Variants in EPHA6 observed in about 807,000 individuals in gnomAD.
The protein encoded by EPHA6 is EPH receptor A6, also known as ephrin type-A receptor 6.
EPHA6 carries 50 observed loss-of-function variants against 112.0 expected under a neutral mutation model. The ratio of observed to expected loss-of-function variants is 0.45; its 90% CI spans 0.36 to 0.56. The LOEUF is 0.56. EPHA6 is among the 20% of genes least tolerant of loss of function. The probability of loss-of-function intolerance (pLI) is 0.00; values close to 1 mark genes in which losing one functional copy is unlikely to be tolerated. For missense variants in EPHA6, 1,280 were observed against 1,417.4 expected (o/e 0.90, Z 1.56); for synonymous variants, 529 against 490.7 (o/e 1.08, Z -1.03).
At position 97,565,702 on chromosome 3, in the gene EPHA6, T is replaced by C. The variant is rs544544662; in HGVS notation, c.2387-26910T>C. Among the ~76,000 whole-genome samples, 15 of 152,180 alleles carry C rather than the reference T, an allele frequency of 9.9e-5. No individual in the cohort carries two copies. In the East Asian group the frequency reaches 2.3e-3, roughly 24 times the overall value. On this transcript the variant is annotated intron_variant, in intron 11 of 17. Coordinates refer to ENST00000389672, the MANE Select transcript of EPHA6 (RefSeq NM_001080448.3). ...CTTTTTGCATTATTATAAAGGAATA[T>C]CTGAGACAGGTAATTGATAAAGAAA...
intron 15 of EPHA6, among the ~76,000 whole-genome samples, chr3:97,732,687 G>A (rs1326585068): frequency 6.6e-6 from 1 of 152,002 alleles, no homozygotes; most frequent in Non-Finnish European, 1.5e-5. Flanking sequence ...ATGATTATTT[G>A]TCTGTAAAAT....
At chr3:96,972,650 G>C (rs890920211) in intron 2 of EPHA6, among the ~76,000 whole-genome samples, 1 of 152,064 alleles carries the variant, frequency 6.6e-6, no homozygotes, top group Non-Finnish European at 1.5e-5. Context: ...TCTAGGGTGT[G>C]ACTTCCCTCT....
At chr3:97,086,729 T>G (rs2046913109) in intron 3 of EPHA6, among the ~76,000 whole-genome samples, 1 of 152,114 alleles carries the variant, frequency 6.6e-6, no homozygotes, top group Non-Finnish European at 1.5e-5. Flanking sequence ...TAACATTTAT[T>G]GAATAAATTT....
At chr3:97,049,953 A>T (rs181216185) in intron 3 of EPHA6, among the ~76,000 whole-genome samples, 5 of 152,352 alleles carry the variant, frequency 3.3e-5, no homozygotes, top group Admixed American at 6.5e-5. Flanking sequence ...AGAGAGAAAC[A>T]TCCAAACTAT....
intron 10 of EPHA6, among the ~76,000 whole-genome samples, chr3:97,486,864 T>C (rs776667004): frequency 6.6e-6 from 1 of 152,246 alleles, no homozygotes; most frequent in Non-Finnish European, 1.5e-5. Context: ...TCGTGTAACA[T>C]CTGTGTACCA....
rs1384327116 is a variant in EPHA6, at chr3:97,058,862, A to G, written c.1114+70869A>G. ...GTCAGTAAGATTGTTTTTATATTTT[A>G]TATGCAAAGTGATTTATCAAAAACA... On this transcript the variant is annotated intron_variant, in intron 3 of 17. Transcript: ENST00000389672. Among the ~76,000 whole-genome samples, 3 of 152,150 alleles carry G rather than the reference A, an allele frequency of 2.0e-5. No individual in the cohort carries two copies. The East Asian group carries it at 5.8e-4, about 29-fold the overall frequency.
At chr3:97,188,709 A>G (rs764762580) in intron 3 of EPHA6, among the ~76,000 whole-genome samples, 32 of 152,130 alleles carry the variant, frequency 2.1e-4, no homozygotes, top group Middle Eastern at 3.4e-3. Flanking sequence ...AATCTACATT[A>G]TGCAAATAAA....
At chr3:96,935,199 A>G (rs1224737655) in intron 2 of EPHA6, among the ~76,000 whole-genome samples, 1 of 151,878 alleles carries the variant, frequency 6.6e-6, no homozygotes, top group African/African-American at 2.4e-5. Flanking sequence ...TTAGAAATAA[A>G]CTATAACTAA....
chr3:97,214,938 G>T lies in EPHA6; in HGVS notation c.1115-11326G>T, dbSNP rs192126790. The stretch of plus-strand genomic sequence containing the variant: ...ACAGCAGCATCTAGAAAACATAAAT[G>T]ATACTGTTTTTGCCAGTTTCTTAAA... On this transcript the variant is annotated intron_variant, in intron 3 of 17. Coordinates refer to ENST00000389672, the MANE Select transcript of EPHA6 (RefSeq NM_001080448.3). Among the ~76,000 whole-genome samples, 899 of 152,230 alleles carry T rather than the reference G, an allele frequency of 5.9e-3. 7 individuals carry two copies. Among genetic ancestry groups the T allele is most frequent in the African/African-American group, 0.021 (861 of 41,538 alleles).
chr3:97,545,074 C>T (rs1342652456), intron 11 of EPHA6, among the ~76,000 whole-genome samples: 5 of 152,094 alleles, frequency 3.3e-5, no homozygotes, highest in African/African-American at 4.8e-5. Context: ...TTCAGTTCTG[C>T]TCTGATCTTA....
At chr3:96,968,460 A>AT (rs2042205223) in intron 2 of EPHA6, among the ~76,000 whole-genome samples, 1 of 151,662 alleles carries the variant, frequency 6.6e-6, no homozygotes, top group African/African-American at 2.4e-5. Context: ...TTTCATAAAT[A>AT]TTTTTTGATA....
chr3:97,340,942 G>T (rs1453506473), intron 5 of EPHA6, among the ~76,000 whole-genome samples: 1 of 152,144 alleles, frequency 6.6e-6, no homozygotes, highest in Non-Finnish European at 1.5e-5. Flanking sequence ...GGGGCTGGGG[G>T]CACAACTCAA....
intron 4 of EPHA6, among the ~76,000 whole-genome samples, chr3:97,236,311 T>G (rs373595072): frequency 5.3e-5 from 8 of 151,466 alleles, no homozygotes; most frequent in South Asian, 2.1e-4. Context: ...AAACACAAAG[T>G]AGGAGAAGAT....
At chr3:97,192,553 A>G (rs922468426) in intron 3 of EPHA6, among the ~76,000 whole-genome samples, 3 of 152,090 alleles carry the variant, frequency 2.0e-5, no homozygotes, top group Admixed American at 1.3e-4. Context: ...TGGTTTGCGT[A>G]TATTTTCTTC....
At chr3:96,911,801 G>A (rs1576009560) in intron 2 of EPHA6, among the ~76,000 whole-genome samples, 1 of 152,072 alleles carries the variant, frequency 6.6e-6, no homozygotes, top group Non-Finnish European at 1.5e-5. Context: ...GTTAAAGATA[G>A]TACATTTTTA....
chr3:97,256,284 G>A (rs1015789012), intron 5 of EPHA6, among the ~76,000 whole-genome samples: 6 of 151,962 alleles, frequency 3.9e-5, no homozygotes, highest in Non-Finnish European at 7.4e-5. Flanking sequence ...TGGAAGGAAT[G>A]AACTAATGTA....
chr3:97,018,986 G>A (rs2044361170), intron 3 of EPHA6, among the ~76,000 whole-genome samples: 1 of 152,130 alleles, frequency 6.6e-6, no homozygotes, highest in Admixed American at 6.5e-5. Context: ...ACTGTCTTCT[G>A]GTCACTCCTC....
chr3:96,994,732 T>TATATATATATATAGAGAGAGAG (rs1170197805), intron 3 of EPHA6, among the ~76,000 whole-genome samples: 4 of 82,200 alleles, frequency 4.9e-5, no homozygotes, highest in African/African-American at 2.6e-4. Flanking sequence ...TATATATATA[T>TATATATATATATAGAGAGAGAG]AGAGAGAGAG....
intron 6 of EPHA6, among the ~76,000 whole-genome samples, chr3:97,444,661 G>C (rs940345219): frequency 6.6e-6 from 1 of 152,072 alleles, no homozygotes; most frequent in African/African-American, 2.4e-5. Flanking sequence ...CTCTAACCTA[G>C]AATTTTTTCC....
Sources: allele counts gnomAD v4.1 joint callset (sites outside exome capture counted in the v4.1 genomes callset), GRCh38; gene constraint gnomAD v4.1.1; transcripts MANE v1.5; gene names NCBI Gene and HGNC (gene_info 2026-07-23, HGNC 2026-07-21).